The following CAPRIN1 variants were observed in gnomAD, a reference collection of about 807,000 sequenced individuals.
The protein encoded by CAPRIN1 is cell cycle associated protein 1, also known as caprin-1.
In CAPRIN1, 29 loss-of-function variants were observed where a neutral mutation model predicts 100.9. The observed-to-expected ratio is 0.29, with a 90% CI of 0.21 to 0.39. The LOEUF (loss-of-function observed/expected upper bound fraction) is 0.39, where lower values mean the gene tolerates loss of function less well. Among genes scored for constraint, CAPRIN1 ranks in the 10% least tolerant of loss-of-function variants. The probability of loss-of-function intolerance (pLI) is 1.00; values close to 1 mark genes in which losing one functional copy is unlikely to be tolerated. For missense variants in CAPRIN1, 795 were observed against 876.7 expected, an observed-to-expected ratio of 0.91 and a Z score of 1.18; for synonymous variants, 338 against 307.5, an observed-to-expected ratio of 1.10 and a Z score of -1.04.
At chr11:34,080,250 A>G (rs1429411967) in intron 7 of CAPRIN1, among the ~76,000 whole-genome samples, 1 of 152,168 alleles carries the variant, frequency 6.6e-6, no homozygotes, top group Non-Finnish European at 1.5e-5. Context: ...CAGATTATCA[A>G]GAGTAATTCC....
intron 2 of CAPRIN1, 143 bp from the exon 3 acceptor site, chr11:34,071,583 A>G: frequency 3.2e-6 from 2 of 618,010 alleles, no homozygotes; most frequent in Admixed American, 3.1e-5. Flanking sequence ...AAATTTATGT[A>G]CTTAAACTGG....
intron 14 of CAPRIN1, among the ~76,000 whole-genome samples, chr11:34,090,892 C>T (rs532202262): frequency 4.6e-4 from 70 of 152,208 alleles, no homozygotes; most frequent in Non-Finnish European, 7.9e-4. Flanking sequence ...GAGTGATGTG[C>T]CTGTATCATC....
intron 2 of CAPRIN1, 37 bp from the exon 3 acceptor site, chr11:34,071,689 A>G (rs1242954072): frequency 2.7e-6 from 4 of 1,499,090 alleles, no homozygotes; most frequent in Non-Finnish European, 3.7e-6. Context: ...ATATACCTTC[A>G]AAACGGAATG....
intron 2 of CAPRIN1, among the ~76,000 whole-genome samples, chr11:34,069,907 TAAAAA>T (rs59107049): frequency 1.4e-5 from 2 of 137,968 alleles, no homozygotes; most frequent in Admixed American, 7.2e-5. Context: ...TCATTTGACC[TAAAAA>T]AAAAAAAAAA....
At chr11:34,078,509 T>A (rs1010958106) in intron 6 of CAPRIN1, among the ~76,000 whole-genome samples, 1 of 152,232 alleles carries the variant, frequency 6.6e-6, no homozygotes, top group Non-Finnish European at 1.5e-5. Flanking sequence ...CTTTTTTCTC[T>A]TCTACTTTTA....
rs960158433 is a variant in CAPRIN1 at position 34,101,615 on chromosome 11, C to CT, written c.*2255dup. 7.2e-5 allele frequency among the ~76,000 whole-genome samples: 11 copies of CT among 151,952 alleles called. No homozygotes were observed. The highest frequency in any genetic ancestry group is 4.1e-4 in the South Asian group (2 of 4,826). ...TTCCTTTTTTTGAACTATAATTTTTCTTTTTTTGGTTATTTTACCATCACA... is the reference window on the plus strand; with the variant it reads ...TTCCTTTTTTTGAACTATAATTTTTCTTTTTTTTGGTTATTTTACCATCACA... On this transcript the variant is annotated 3_prime_UTR_variant, in exon 19 of 19. Transcript: ENST00000341394.
At chr11:34,081,418 C>T (rs1242573425) in intron 7 of CAPRIN1, among the ~76,000 whole-genome samples, 1 of 151,856 alleles carries the variant, frequency 6.6e-6, no homozygotes, top group African/African-American at 2.4e-5. Context: ...AGGCTGGTCT[C>T]GAACTCCTGA....
At chr11:34,052,379 T>G in intron 1 of CAPRIN1, 42 bp from the exon 2 acceptor site, 3 of 1,532,566 alleles carry the variant, frequency 2.0e-6, no homozygotes, top group Non-Finnish European at 2.7e-6. Context: ...GCCGCTCTTG[T>G]CCTTCCTCCC....
At chr11:34,072,977 T>C (rs567273632) in intron 4 of CAPRIN1, among the ~76,000 whole-genome samples, 2 of 152,334 alleles carry the variant, frequency 1.3e-5, no homozygotes, top group Non-Finnish European at 2.9e-5. Context: ...TAATATGCTA[T>C]ACCACATAGC....
chr11:34,097,225 T>A lies in CAPRIN1; in HGVS notation c.1930T>A (p.Ser644Thr). 6.2e-7 allele frequency: 1 copy of A among 1,613,812 alleles called. No homozygotes were observed. The highest frequency in any genetic ancestry group is 1.1e-5 in the South Asian group (1 of 91,072). ...GGYDGYRPSF[S>T]NTPNSGYTQS... is the part of the protein sequence containing the mutation. ...ATATGATGGTTACCGCCCTTCATTCTCTAACACTCCAAACAGTGGTTATAC... is the reference window on the plus strand; with the variant it reads ...ATATGATGGTTACCGCCCTTCATTCACTAACACTCCAAACAGTGGTTATAC... The change falls in exon 17 of 19, where the codon TCT becomes ACT. Residue 644 changes from serine to threonine, a missense_variant. Around this residue, in one of 3 missense-constraint regions of CAPRIN1, gnomAD observed 648 missense variants for 697.9 expected, o/e 0.93. Coordinates refer to ENST00000341394, the MANE Select transcript of CAPRIN1 (RefSeq NM_005898.5).
chr11:34,064,314 C>T (rs543852359), intron 2 of CAPRIN1, among the ~76,000 whole-genome samples: 8 of 152,198 alleles, frequency 5.3e-5, no homozygotes, highest in African/African-American at 7.2e-5. Flanking sequence ...CTTGTATATT[C>T]GCTTAGTTCA....
rs374086814 is a variant in CAPRIN1 at position 34,071,826 on chromosome 11, C to G, written c.279+38C>G. 2.4e-5 allele frequency: 38 copies of G among 1,580,908 alleles called. No homozygotes were observed. The South Asian group carries it at 3.9e-4, about 16-fold the overall frequency. Reference sequence around the variant, plus strand: ...TATTTTTTATTTTAGACCTAATGCTCACTATTTTAAAGACAAAAATTAATT... The same window carrying G: ...TATTTTTTATTTTAGACCTAATGCTGACTATTTTAAAGACAAAAATTAATT... On this transcript the variant is annotated intron_variant, in intron 3 of 18. Coordinates refer to ENST00000341394, the MANE Select transcript of CAPRIN1 (RefSeq NM_005898.5).
Position 34,091,945 on chromosome 11 carries a change from C to G in CAPRIN1, c.1594C>G (p.Pro532Ala). 6.2e-7 allele frequency: 1 copy of G among 1,613,692 alleles called. No individual in the cohort carries two copies. The highest frequency in any genetic ancestry group is 1.1e-5 in the South Asian group (1 of 91,004). ...MNAPVPPVNE[P>A]ETLKQQNQYQ... is the part of the protein sequence containing the mutation. ...TGCCCCAGTTCCTCCTGTTAATGAA[C>G]CAGAAACTTTAAAACAGCAAAATCA... Residue 532 changes from proline to alanine, a missense_variant, in exon 15 of 19, where the codon CCA becomes GCA. Physicochemically the swap from Pro to Ala is conservative, Grantham distance 27 (BLOSUM62 -1). Transcript: ENST00000341394.
At chr11:34,075,452 C>G (rs1451100347) in intron 4 of CAPRIN1, among the ~76,000 whole-genome samples, 1 of 151,946 alleles carries the variant, frequency 6.6e-6, no homozygotes, top group Non-Finnish European at 1.5e-5. Context: ...TTCAGCCTTT[C>G]CAGGAAAGAA....
intron 15 of CAPRIN1, among the ~76,000 whole-genome samples, chr11:34,093,010 C>T (rs994708806): frequency 3.3e-5 from 5 of 151,592 alleles, no homozygotes; most frequent in African/African-American, 9.7e-5. Flanking sequence ...AGGTGCTTAC[C>T]GCCATGGCTG....
chr11:34,072,066 A>G (rs1285618276), intron 4 of CAPRIN1, 79 bp downstream of exon 4: 1 of 878,356 alleles, frequency 1.1e-6, no homozygotes, highest in Non-Finnish European at 1.8e-6. Flanking sequence ...TACTATTGAT[A>G]AGCTCTCTGC....
intron 2 of CAPRIN1, among the ~76,000 whole-genome samples, chr11:34,058,199 C>T (rs1249210198): frequency 1.3e-5 from 2 of 151,864 alleles, no homozygotes; most frequent in Non-Finnish European, 2.9e-5. Flanking sequence ...TGCAGTGGTG[C>T]AATCTCAGCT....
intron 2 of CAPRIN1, among the ~76,000 whole-genome samples, chr11:34,068,208 C>T (rs537300643): frequency 2.0e-5 from 3 of 152,316 alleles, no homozygotes; most frequent in African/African-American, 7.2e-5. Flanking sequence ...CATCATGTGG[C>T]AGTCTCAGAG....
intron 11 of CAPRIN1, among the ~76,000 whole-genome samples, chr11:34,088,938 A>T (rs1344837167): frequency 6.6e-6 from 1 of 152,044 alleles, no homozygotes; most frequent in Non-Finnish European, 1.5e-5. Context: ...TACTTTCATG[A>T]TTGCTAAAAA....
Sources: allele counts gnomAD v4.1 joint callset (sites outside exome capture counted in the v4.1 genomes callset), GRCh38; gene constraint gnomAD v4.1.1; regional missense constraint gnomAD v4.1.1; transcripts MANE v1.5; gene names NCBI Gene and HGNC (gene_info 2026-07-23, HGNC 2026-07-21).